DOCK6: variants seen among roughly 807,000 people sequenced by gnomAD.
DOCK6 encodes the protein dedicator of cytokinesis protein 6.
In DOCK6, 167 loss-of-function variants were observed where a neutral mutation model predicts 230.3. The observed-to-expected ratio is 0.73, with a 90% CI of 0.64 to 0.82. The LOEUF is 0.82. Ranked by LOEUF, DOCK6 falls within the 40% of genes least tolerant of loss-of-function variation. The pLI is 0.00. For missense variants in DOCK6, 2,598 were observed against 2,825.8 expected, an observed-to-expected ratio of 0.92 and a Z score of 1.83; for synonymous variants, 1,148 against 1,185.0, an observed-to-expected ratio of 0.97 and a Z score of 0.64.
In DOCK6 at chr19:11,209,013, G is replaced by A. The variant is rs377330706; in HGVS notation, c.4842C>T (p.Ala1614=). ...CGTGCACCATGCACTGGGCGGCCTCGGCGTGGTTGCCCAGCTCCGCGTGCT... is the reference window on the plus strand; with the variant it reads ...CGTGCACCATGCACTGGGCGGCCTCAGCGTGGTTGCCCAGCTCCGCGTGCT... ...AGKHAELGNH[A]EAAQCMVHAA... is the part of the protein sequence containing the mutation. Residue 1614 remains alanine, a synonymous_variant, in exon 38 of 48, where the codon GCC becomes GCT. Coordinates refer to ENST00000294618, the MANE Select transcript of DOCK6 (RefSeq NM_020812.4). The A allele has an allele frequency of 2.9e-4, 461 of 1,611,622 alleles. 4 individuals are homozygous for A. The highest frequency in any genetic ancestry group is 2.5e-3 in the Middle Eastern group (15 of 6,058).
At position 11,201,186 on chromosome 19, in the gene DOCK6, C is replaced by A. The variant is rs1026657473; in HGVS notation, c.5689-134G>T. The stretch of plus-strand genomic sequence containing the variant: ...CCAGGCAATGAACAGAATCTGGGGG[C>A]CTTCCTGGGTCTGACTCTGGGGGGG... On this transcript the variant is annotated intron_variant, in intron 44 of 47. Coordinates refer to ENST00000294618, the MANE Select transcript of DOCK6 (RefSeq NM_020812.4). The surrounding 1 kb of genome is among the most constrained non-coding windows in gnomAD (Gnocchi z 4.3). 8.5e-7 allele frequency: 1 copy of A among 1,175,916 alleles called. No individual in the cohort carries two copies. Among genetic ancestry groups the A allele is most frequent in the Non-Finnish European group, 1.2e-6 (1 of 836,806 alleles). The allele number at this position is 1,175,916 out of a possible 1,614,324, so 72.8% of individuals were successfully genotyped here.
chr19:11,245,527 G>A (rs892003295), intron 9 of DOCK6, 36 bp downstream of exon 9: 20 of 1,531,962 alleles, frequency 1.3e-5, no homozygotes, highest in Admixed American at 5.9e-5. Context: ...AGTGACATTC[G>A]CCATTACCAC....
intron 39 of DOCK6, chr19:11,208,483 G>A (rs1350118554): frequency 6.8e-6 from 4 of 584,354 alleles, no homozygotes; most frequent in Non-Finnish European, 8.5e-6. Flanking sequence ...GTTTCACCAT[G>A]CTGGCCAGGC....
chr19:11,229,297 C>T, intron 22 of DOCK6: 1 of 1,245,364 alleles, frequency 8.0e-7, no homozygotes, highest in Non-Finnish European at 1.0e-6. Context: ...CCCCCCACTA[C>T]CTTCTGCACA....
intron 41 of DOCK6, chr19:11,203,746 G>A (rs2079209454): frequency 2.2e-6 from 1 of 446,114 alleles, no homozygotes; most frequent in East Asian, 4.0e-5. Context: ...GATAGACTGG[G>A]GAGAGATGAG....
chr19:11,213,447 T>G, intron 34 of DOCK6, 119 bp from the exon 35 acceptor site: 1 of 1,396,104 alleles, frequency 7.2e-7, no homozygotes, highest in Non-Finnish European at 9.7e-7. Context: ...TTTGGCCAAG[T>G]ACCACTGGGT....
At position 11,252,198 on chromosome 19, in the gene DOCK6, C is replaced by A. The variant is rs371409446; in HGVS notation, c.428G>T (p.Arg143Leu). The change falls in exon 5 of 48, where the codon CGG becomes CTG. Residue 143 changes from arginine to leucine, a missense_variant. Physicochemically the swap from Arg to Leu is moderately radical, Grantham distance 102. Transcript: ENST00000294618. ...AYSPVTTDTQ[R>L]ERQKGLPRQV... Reference sequence around the variant, plus strand: ...GCGGGGGAGGCCCTTCTGTCGCTCCCGCTGTGTGTCTGTGGTGACGGGGCT... The same window carrying A: ...GCGGGGGAGGCCCTTCTGTCGCTCCAGCTGTGTGTCTGTGGTGACGGGGCT... 92 of 1,582,446 alleles carry A rather than the reference C, an allele frequency of 5.8e-5. No homozygotes were observed. Among genetic ancestry groups the A allele is most frequent in the South Asian group, 4.6e-4 (40 of 86,664 alleles).
chr19:11,239,649 TG>T, intron 14 of DOCK6: 1 of 1,613,736 alleles, frequency 6.2e-7, no homozygotes, highest in Non-Finnish European at 8.5e-7. Flanking sequence ...TGCCAGTGCC[TG>T]CTCTGTGCCT....
In DOCK6 at chr19:11,236,840, C is replaced by A. The variant is rs1226251443; in HGVS notation, c.2113G>T (p.Gly705Cys). The A allele has an allele frequency of 1.3e-6, 2 of 1,555,932 alleles. No individual in the cohort carries two copies. Among genetic ancestry groups the A allele is most frequent in the Non-Finnish European group, 1.7e-6 (2 of 1,149,986 alleles). The stretch of plus-strand genomic sequence containing the variant: ...GCTGTGAGCTCCACACTGAACACGC[C>A]CTTGTGACCGTCCACCCAGCGCATG... Reference protein sequence around the residue: ...PGMRWVDGHKGVFSVELTAVS... With the variant: ...PGMRWVDGHKCVFSVELTAVS... The change falls in exon 19 of 48, where the codon GGC (glycine) becomes TGC (cysteine). Residue 705 changes from glycine (G) to cysteine (C), a missense_variant. By Grantham distance (159) the Gly-to-Cys change is radical. Coordinates refer to ENST00000294618, the MANE Select transcript of DOCK6 (RefSeq NM_020812.4). The surrounding 1 kb of genome is among the most constrained non-coding windows in gnomAD (Gnocchi z 5.2).
intron 2 of DOCK6, among the ~76,000 whole-genome samples, chr19:11,253,276 G>A (rs1305583802): frequency 2.0e-5 from 3 of 152,082 alleles, no homozygotes; most frequent in Admixed American, 6.6e-5. Flanking sequence ...TAAAGCCTCC[G>A]CAACCCTGTG....
At chr19:11,256,022 A>G (rs745463122) in intron 1 of DOCK6, among the ~76,000 whole-genome samples, 9 of 152,054 alleles carry the variant, frequency 5.9e-5, no homozygotes, top group Non-Finnish European at 1.3e-4. Context: ...TCCTGACCTC[A>G]GGTGATCCGC....
At position 11,223,016 on chromosome 19, in the gene DOCK6, G is replaced by A; in HGVS notation, c.3046C>T (p.Leu1016=). ...ACCTGCTTGTAGTGGGCCCGGACCA[G>A]GCTGAAGACAAAGCCCCGGTCCACC... The part of the protein sequence containing the change: ...SLVDRGFVFS[L]VRAHYKQVAT... Residue 1016 remains leucine (L), a synonymous_variant, in exon 25 of 48, where the codon CTG becomes TTG. Coordinates refer to ENST00000294618, the MANE Select transcript of DOCK6 (RefSeq NM_020812.4). The A allele has an allele frequency of 6.2e-7, 1 of 1,613,814 alleles. No homozygotes were observed. The highest frequency in any genetic ancestry group is 8.5e-7 in the Non-Finnish European group (1 of 1,179,872).
At position 11,236,214 on chromosome 19, in the gene DOCK6, G is replaced by C; in HGVS notation, c.2392+132C>G. The C allele has an allele frequency of 1.1e-6, 1 of 877,234 alleles. No homozygotes were observed. The highest frequency in any genetic ancestry group is 1.8e-5 in the South Asian group (1 of 56,464). The allele number at this position is 877,234 out of a possible 1,614,324, so 54.3% of individuals were successfully genotyped here. On this transcript the variant is annotated intron_variant, in intron 20 of 47. Coordinates refer to ENST00000294618, the MANE Select transcript of DOCK6 (RefSeq NM_020812.4). This position sits in a 1 kb window ranked among gnomAD's most constrained non-coding sequence, Gnocchi z 5.2. ...ACAGAAGACCTTCTCTGGGTGCAGG[G>C]GACTGGAGGTCATTTTTCAGATGAG...
intron 14 of DOCK6, chr19:11,240,097 T>C (rs1218229019): frequency 1.9e-6 from 3 of 1,550,974 alleles, no homozygotes; most frequent in South Asian, 2.4e-5. Context: ...CAAAGATGAG[T>C]TGGACATCCT....
intron 35 of DOCK6, 83 bp downstream of exon 35, chr19:11,213,093 C>T: frequency 6.6e-7 from 1 of 1,512,326 alleles, no homozygotes; most frequent in Non-Finnish European, 8.9e-7. Flanking sequence ...GTCTCCCCCT[C>T]CCTCACTCCC....
chr19:11,262,463 C>CGCCCCGG lies in DOCK6; in HGVS notation c.-30_-24dup. The CGCCCCGG allele has an allele frequency of 8.6e-7, 1 of 1,166,666 alleles. No individual in the cohort carries two copies. The highest frequency in any genetic ancestry group is 1.1e-6 in the Non-Finnish European group (1 of 947,408). The allele number at this position is 1,166,666 out of a possible 1,614,324, so 72.3% of individuals were successfully genotyped here. On this transcript the variant is annotated 5_prime_UTR_variant, in exon 1 of 48. Coordinates refer to ENST00000294618, the MANE Select transcript of DOCK6 (RefSeq NM_020812.4). ...CATGGTCCTCGCGTCCCGCCGCCGC[C>CGCCCCGG]GCCCCGGGCCCCGGCCCCGCCGCCG...
At chr19:11,248,293 C>T in intron 6 of DOCK6, 142 bp from the exon 7 acceptor site, 2 of 619,208 alleles carry the variant, frequency 3.2e-6, no homozygotes, top group Non-Finnish European at 2.8e-6. Context: ...TTTACACGTG[C>T]TGTTCCCCTG....
chr19:11,202,289 T>C lies in DOCK6; in HGVS notation c.5451+105A>G. On this transcript the variant is annotated intron_variant, in intron 43 of 47. Coordinates refer to ENST00000294618, the MANE Select transcript of DOCK6 (RefSeq NM_020812.4). This position sits in a 1 kb window ranked among gnomAD's most constrained non-coding sequence, Gnocchi z 5.3. ...TAGGTTTTGGGGTCCCTCAGTGAAA[T>C]ATGATTTGGGGTTTCCCAGAGAAAG... 1 of 1,448,816 alleles carries C rather than the reference T, an allele frequency of 6.9e-7. No individual in the cohort carries two copies. 89.7% of individuals were successfully genotyped at this position (1,448,816 alleles called of 1,614,324 possible).
chr19:11,212,126 A>C lies in DOCK6; in HGVS notation c.4517T>G (p.Val1506Gly). 1 of 1,611,342 alleles carries C rather than the reference A, an allele frequency of 6.2e-7. No homozygotes were observed. Among genetic ancestry groups the C allele is most frequent in the African/African-American group, 1.3e-5 (1 of 74,930 alleles). ...GHNFARVKMQVTMSLSSLVGT... is the reference protein window; with the variant it reads ...GHNFARVKMQGTMSLSSLVGT... ...CACCAGGGACGAGAGAGACATGGTG[A>C]CCTGCATCTTCACACGGGCAAAGTT... The change falls in exon 36 of 48, where the codon GTC (valine) becomes GGC (glycine). Residue 1506 changes from valine (V) to glycine (G), a missense_variant. Physicochemically the swap from Val to Gly is moderately radical, Grantham distance 109. Transcript: ENST00000294618.
Sources: gnomAD v4.1 joint callset for allele counts (sites outside exome capture counted in the v4.1 genomes callset) on GRCh38, gnomAD v4.1.1 for gene constraint, Gnocchi (gnomAD v3.1) non-coding constraint, MANE v1.5 for transcripts, NCBI Gene and HGNC (gene_info 2026-07-23, HGNC 2026-07-21) for gene names.